The following DCAF13 variants were observed in gnomAD, a reference collection of about 807,000 sequenced individuals.
The protein encoded by DCAF13 is DDB1- and CUL4-associated factor 13.
In DCAF13, 38 loss-of-function variants were observed where a neutral mutation model predicts 59.0. The ratio of observed to expected loss-of-function variants is 0.64; its 90% CI spans 0.50 to 0.84. The LOEUF is 0.84. Among genes scored for constraint, DCAF13 ranks in the 40% least tolerant of loss-of-function variants. The probability of loss-of-function intolerance (pLI) is 0.00; values close to 1 mark genes in which losing one functional copy is unlikely to be tolerated. For synonymous variants in DCAF13, 173 were observed against 175.0 expected, an observed-to-expected ratio of 0.99 and a Z score of 0.09; for missense variants, 469 against 558.4, an observed-to-expected ratio of 0.84 and a Z score of 1.61.
At position 103,419,020 on chromosome 8, in the gene DCAF13, A is replaced by G. The variant is rs954780147; in HGVS notation, c.71-1244A>G. On this transcript the variant is annotated intron_variant, in intron 1 of 10. Coordinates refer to ENST00000612750, the MANE Select transcript of DCAF13 (RefSeq NM_015420.7). ...TGCCTCAGCCTCCTGAGTAGCTGGG[A>G]CTGCAGGCACATACCACCCCCACCG... 3.3e-5 allele frequency among the ~76,000 whole-genome samples: 5 copies of G among 150,040 alleles called. No individual in the cohort carries two copies. In the East Asian group the frequency reaches 9.8e-4, roughly 29 times the overall value.
At chr8:103,436,001 G>A (rs1563506308) in intron 8 of DCAF13, among the ~76,000 whole-genome samples, 1 of 152,170 alleles carries the variant, frequency 6.6e-6, no homozygotes, top group Non-Finnish European at 1.5e-5. Context: ...TGTTCAGCAT[G>A]TTACTGTGCT....
chr8:103,421,711 G>A (rs934833069), intron 3 of DCAF13, among the ~76,000 whole-genome samples: 4 of 152,162 alleles, frequency 2.6e-5, no homozygotes, highest in African/African-American at 7.2e-5. Context: ...ACCATTTTGT[G>A]TATGTGGAAT....
At chr8:103,434,353 A>C (rs534244962) in intron 7 of DCAF13, among the ~76,000 whole-genome samples, 1 of 152,088 alleles carries the variant, frequency 6.6e-6, no homozygotes, top group African/African-American at 2.4e-5. Context: ...AAGGTTTTCC[A>C]TGTACACAAA....
At chr8:103,427,011 T>C (rs960161656) in intron 4 of DCAF13, 86 bp from the exon 5 acceptor site, 8 of 1,032,752 alleles carry the variant, frequency 7.7e-6, no homozygotes, top group Non-Finnish European at 9.4e-6. Context: ...TCTAAAAAGA[T>C]AGTATAGATA....
intron 1 of DCAF13, among the ~76,000 whole-genome samples, chr8:103,418,858 A>ATT (rs1170003003): frequency 0.2 from 6,994 of 34,954 alleles, 540 homozygotes; most frequent in Admixed American, 0.27. Flanking sequence ...ATATATATAT[A>ATT]TATATATATT....
chr8:103,434,925 T>C (rs1162266469), intron 7 of DCAF13, among the ~76,000 whole-genome samples: 1 of 152,102 alleles, frequency 6.6e-6, no homozygotes, highest in Non-Finnish European at 1.5e-5. Flanking sequence ...AGTGCAACTT[T>C]GTTGGCAGTG....
At chr8:103,442,712 G>T in intron 10 of DCAF13, 83 bp from the exon 11 acceptor site, 2 of 929,626 alleles carry the variant, frequency 2.2e-6, no homozygotes, top group Admixed American at 6.8e-5. Context: ...TCTAGTGAAA[G>T]AAAATGCTTT....
At chr8:103,418,281 G>A (rs868614070) in intron 1 of DCAF13, among the ~76,000 whole-genome samples, 22 of 152,080 alleles carry the variant, frequency 1.4e-4, no homozygotes, top group African/African-American at 5.3e-4. Context: ...CACTTTGGGC[G>A]GCAAAGGTGG....
chr8:103,426,658 T>C lies in DCAF13; in HGVS notation c.469-439T>C, dbSNP rs1816795966. Among the ~76,000 whole-genome samples the C allele has an allele frequency of 3.9e-5, 6 of 152,332 alleles. No homozygotes were observed. The South Asian group carries it at 1.2e-3, about 32-fold the overall frequency. On this transcript the variant is annotated intron_variant, in intron 4 of 10. Transcript: ENST00000612750. ...AGAATAATTTAGAACATTTGGTCTATCCATGTTTTATAATGTTTACATTTT... is the reference window on the plus strand; with the variant it reads ...AGAATAATTTAGAACATTTGGTCTACCCATGTTTTATAATGTTTACATTTT...
At chr8:103,419,800 C>T (rs185973540) in intron 1 of DCAF13, among the ~76,000 whole-genome samples, 2 of 151,864 alleles carry the variant, frequency 1.3e-5, no homozygotes, top group African/African-American at 2.4e-5. Flanking sequence ...CACGAGGTCA[C>T]GAGATCGAGA....
rs1271939973 is a variant in DCAF13 at position 103,431,146 on chromosome 8, G to T, written c.702+457G>T. Among the ~76,000 whole-genome samples, 3 of 152,140 alleles carry T rather than the reference G, an allele frequency of 2.0e-5. No individual in the cohort carries two copies. The South Asian group carries it at 6.2e-4, about 31-fold the overall frequency. On this transcript the variant is annotated intron_variant, in intron 6 of 10. Transcript: ENST00000612750. ...TTCAGTTACATGCTGATCAATACTA[G>T]TTTGACATTTAGGCAACCACTATCC...
chr8:103,422,646 A>G (rs1816737076), intron 3 of DCAF13, among the ~76,000 whole-genome samples: 2 of 152,238 alleles, frequency 1.3e-5, no homozygotes, highest in African/African-American at 4.8e-5. Context: ...CTAGTCTTTC[A>G]CTTCTAACAC....
chr8:103,441,781 CTTTTTT>C (rs59392618), intron 10 of DCAF13, 163 bp downstream of exon 10: 3 of 511,406 alleles, frequency 5.9e-6, no homozygotes, highest in African/African-American at 4.3e-5. Context: ...TTTCTTTTTT[CTTTTTT>C]TTTTTTTTGA....
chr8:103,420,832 C>A, intron 2 of DCAF13, 143 bp from the exon 3 acceptor site: 1 of 622,598 alleles, frequency 1.6e-6, no homozygotes, highest in Non-Finnish European at 2.8e-6. Flanking sequence ...GTATACTTAT[C>A]CATATGCATT....
intron 6 of DCAF13, among the ~76,000 whole-genome samples, chr8:103,432,133 G>A (rs1816873277): frequency 1.3e-5 from 2 of 152,278 alleles, no homozygotes; most frequent in East Asian, 3.9e-4. Context: ...CCCCTACCAG[G>A]TACAGTTCTG....
chr8:103,420,881 C>T, intron 2 of DCAF13, 94 bp from the exon 3 acceptor site: 1 of 923,646 alleles, frequency 1.1e-6, no homozygotes, highest in Non-Finnish European at 1.7e-6. Flanking sequence ...TTTAGCTGCC[C>T]AGTAGAGTGA....
Position 103,430,945 on chromosome 8 carries a change from C to T in DCAF13, c.702+256C>T, listed in dbSNP as rs188424107. ...TCCATGATGCCAGTACATTTTAGGC[C>T]TCTAATTAATACTTACTGAATTGAA... On this transcript the variant is annotated intron_variant, in intron 6 of 10. Coordinates refer to ENST00000612750, the MANE Select transcript of DCAF13 (RefSeq NM_015420.7). 2.0e-5 allele frequency among the ~76,000 whole-genome samples: 3 copies of T among 152,168 alleles called. No individual in the cohort carries two copies. The East Asian group carries it at 5.8e-4, about 29-fold the overall frequency.
chr8:103,433,247 G>C (rs559856124), intron 7 of DCAF13, among the ~76,000 whole-genome samples: 2 of 152,068 alleles, frequency 1.3e-5, no homozygotes, highest in Non-Finnish European at 2.9e-5. Flanking sequence ...TTTGTATTGC[G>C]GTGAGTATCA....
intron 1 of DCAF13, among the ~76,000 whole-genome samples, chr8:103,417,927 G>A (rs1013784020): frequency 6.6e-6 from 1 of 151,974 alleles, no homozygotes; most frequent in Non-Finnish European, 1.5e-5. Context: ...AGACTATCCT[G>A]GCTAACATGG....
Sources: allele counts gnomAD v4.1 joint callset (sites outside exome capture counted in the v4.1 genomes callset), GRCh38; gene constraint gnomAD v4.1.1; transcripts MANE v1.5; gene names NCBI Gene and HGNC (gene_info 2026-07-23, HGNC 2026-07-21).